Variants in HERC1 observed in about 807,000 individuals in gnomAD.
HERC1 encodes probable E3 ubiquitin-protein ligase HERC1.
In HERC1, 160 loss-of-function variants were observed where a neutral mutation model predicts 554.3. The ratio of observed to expected loss-of-function variants is 0.29; its 90% CI spans 0.25 to 0.33. The LOEUF is 0.33. Among genes scored for constraint, HERC1 ranks in the 10% least tolerant of loss-of-function variants. The pLI, the probability that HERC1 is intolerant of heterozygous loss-of-function variation, is 1.00. For missense variants in HERC1, 4,919 were observed against 5,918.5 expected, an observed-to-expected ratio of 0.83 and a Z score of 5.54; for synonymous variants, 2,175 against 2,131.7, an observed-to-expected ratio of 1.02 and a Z score of -0.56.
Position 63,734,530 on chromosome 15 carries a change from C to T in HERC1, c.2646+194G>A. 1 of 388,822 alleles carries T rather than the reference C, an allele frequency of 2.6e-6. No homozygotes were observed. The highest frequency in any genetic ancestry group is 5.7e-5 in the South Asian group (1 of 17,514). The allele number at this position is 388,822 out of a possible 1,614,324, so 24.1% of individuals were successfully genotyped here. ...ATTAGTCCTTATTTTAATAATTAGC[C>T]CCAAATAACTTAATAAATTATCACT... On this transcript the variant is annotated intron_variant, in intron 13 of 77. Coordinates refer to ENST00000443617, the MANE Select transcript of HERC1 (RefSeq NM_003922.4). This position sits in a 1 kb window ranked among gnomAD's most constrained non-coding sequence, Gnocchi z 4.6.
intron 34 of HERC1, among the ~76,000 whole-genome samples, chr15:63,684,794 G>A (rs1397312438): frequency 6.6e-6 from 1 of 152,156 alleles, no homozygotes; most frequent in African/African-American, 2.4e-5. Flanking sequence ...GATCACCTGA[G>A]GTCAGGAGTT....
At chr15:63,690,181 A>G (rs959518497) in intron 32 of HERC1, among the ~76,000 whole-genome samples, 3 of 151,728 alleles carry the variant, frequency 2.0e-5, no homozygotes, top group African/African-American at 4.8e-5. Flanking sequence ...AAAAAAAAAA[A>G]AAAAGAAATA....
chr15:63,824,968 C>T (rs2077839008), intron 1 of HERC1, among the ~76,000 whole-genome samples: 1 of 150,576 alleles, frequency 6.6e-6, no homozygotes, highest in African/African-American at 2.4e-5. Flanking sequence ...GTCAAGGGAA[C>T]AAAGTTGCAG....
chr15:63,651,199 G>C, intron 53 of HERC1, 54 bp downstream of exon 53: 1 of 1,553,174 alleles, frequency 6.4e-7, no homozygotes, highest in Non-Finnish European at 8.8e-7. Flanking sequence ...AGACTAAGAA[G>C]AAGGCTTTAA....
intron 1 of HERC1, among the ~76,000 whole-genome samples, chr15:63,819,128 T>C (rs2077597580): frequency 1.3e-5 from 2 of 152,098 alleles, no homozygotes; most frequent in Non-Finnish European, 2.9e-5. Context: ...CCATATAACA[T>C]AGAAGACCAC....
At position 63,801,951 on chromosome 15, in the gene HERC1, C is replaced by G. The variant is rs78663880; in HGVS notation, c.-26-26302G>C. ...GCATGATATACCCACTCAGATGTAC[C>G]AAAGGAATCTCTAACACATCATGTT... On this transcript the variant is annotated intron_variant, in intron 1 of 77. Coordinates refer to ENST00000443617, the MANE Select transcript of HERC1 (RefSeq NM_003922.4). 7.0e-3 allele frequency among the ~76,000 whole-genome samples: 1,072 copies of G among 152,258 alleles called. 14 individuals are homozygous for G. Among genetic ancestry groups the G allele is most frequent in the African/African-American group, 0.025 (1,031 of 41,534 alleles).
Position 63,775,269 on chromosome 15 carries a change from T to C in HERC1, c.355A>G (p.Asn119Asp), listed in dbSNP as rs992444674. Residue 119 changes from asparagine to aspartate, a missense_variant, in exon 2 of 78, where the codon AAT becomes GAT. Coordinates refer to ENST00000443617, the MANE Select transcript of HERC1 (RefSeq NM_003922.4). This position sits in a 1 kb window ranked among gnomAD's most constrained non-coding sequence, Gnocchi z 4.0. ...ACCTTGCCTTTGTCATGGTATTTATTAGAAAGTGCATAAAAGACACGCTGG... is the reference window on the plus strand; with the variant it reads ...ACCTTGCCTTTGTCATGGTATTTATCAGAAAGTGCATAAAAGACACGCTGG... ...VLQRVFYALSNKYHDKGKVKQ... is the reference protein window; with the variant it reads ...VLQRVFYALSDKYHDKGKVKQ... 3.1e-6 allele frequency: 5 copies of C among 1,614,024 alleles called. No individual in the cohort carries two copies. Among genetic ancestry groups the C allele is most frequent in the South Asian group, 2.2e-5 (2 of 91,076 alleles).
chr15:63,671,203 C>CAAAA (rs371521135), intron 39 of HERC1, among the ~76,000 whole-genome samples: 6 of 123,452 alleles, frequency 4.9e-5, no homozygotes, highest in Non-Finnish European at 6.6e-5. Context: ...AACTTTGTCT[C>CAAAA]AAAAAAAAAA....
At chr15:63,722,489 T>A (rs1388847169) in intron 19 of HERC1, among the ~76,000 whole-genome samples, 2 of 152,222 alleles carry the variant, frequency 1.3e-5, no homozygotes, top group Admixed American at 1.3e-4. Flanking sequence ...TTCAGTTACT[T>A]GCGATCAACT....
At chr15:63,757,080 T>C (rs576686795) in intron 4 of HERC1, among the ~76,000 whole-genome samples, 1 of 152,166 alleles carries the variant, frequency 6.6e-6, no homozygotes, top group Non-Finnish European at 1.5e-5. Flanking sequence ...TATAAATTCC[T>C]TAGGGTACAT....
intron 71 of HERC1, 112 bp from the exon 72 acceptor site, chr15:63,624,439 G>A: frequency 1.1e-6 from 1 of 918,952 alleles, no homozygotes; most frequent in South Asian, 1.8e-5. Flanking sequence ...GCTCATGCCT[G>A]TAGTCCCAGC....
intron 38 of HERC1, among the ~76,000 whole-genome samples, chr15:63,673,423 C>A (rs2071035819): frequency 6.6e-6 from 1 of 151,792 alleles, no homozygotes; most frequent in South Asian, 2.1e-4. Flanking sequence ...GGAATAAGTA[C>A]AAAGGAAAAG....
chr15:63,625,133 C>A (rs983669063), intron 71 of HERC1, among the ~76,000 whole-genome samples: 1 of 152,170 alleles, frequency 6.6e-6, no homozygotes, highest in Non-Finnish European at 1.5e-5. Flanking sequence ...TGCACACACA[C>A]ACACGCACGC....
chr15:63,638,723 A>C lies in HERC1; in HGVS notation c.11955T>G (p.Thr3985=). The C allele has an allele frequency of 6.2e-7, 1 of 1,612,890 alleles. No homozygotes were observed. The highest frequency in any genetic ancestry group is 8.5e-7 in the Non-Finnish European group (1 of 1,178,868). ...GMDEQIMSWA[T]SRPEDWHLGG... ...CATCTTTACTGACCTCAGGTCTGGA[A>C]GTTGCCCAAGACATAATTTGTTCAT... The change falls in exon 62 of 78, where the codon ACT becomes ACG. Residue 3985 remains threonine (T), a synonymous_variant. Transcript: ENST00000443617.
At chr15:63,755,164 C>A in intron 6 of HERC1, 65 bp downstream of exon 6, 1 of 1,108,790 alleles carries the variant, frequency 9.0e-7, no homozygotes. Flanking sequence ...GCTCTCACGG[C>A]TTCTCAGTAA....
chr15:63,625,415 G>T (rs1348888330), intron 71 of HERC1, among the ~76,000 whole-genome samples: 4 of 152,098 alleles, frequency 2.6e-5, no homozygotes, highest in Non-Finnish European at 5.9e-5. Context: ...AGAAGTGGCT[G>T]GGAGCGGTGG....
In HERC1 at chr15:63,692,578, A is replaced by T; in HGVS notation, c.5675-12T>A. The stretch of plus-strand genomic sequence containing the variant: ...TTTCCTAAGAGCAGCTACAGTGAAG[A>T]GACAAGTTTACGTTACAACCAAGAG... On this transcript the variant is annotated splice_polypyrimidine_tract_variant and intron_variant, in intron 30 of 77. Transcript: ENST00000443617. The surrounding 1 kb of genome is among the most constrained non-coding windows in gnomAD (Gnocchi z 4.7). The T allele has an allele frequency of 6.3e-7, 1 of 1,587,650 alleles. No homozygotes were observed. Among genetic ancestry groups the T allele is most frequent in the African/African-American group, 1.4e-5 (1 of 73,604 alleles).
chr15:63,661,651 G>T (rs2070365100), intron 45 of HERC1, 102 bp downstream of exon 45: 2 of 1,199,776 alleles, frequency 1.7e-6, no homozygotes, highest in South Asian at 2.8e-5. Context: ...GGATTTCAGG[G>T]AAGGTTAAAT....
At chr15:63,670,901 T>C (rs1595935136) in intron 39 of HERC1, among the ~76,000 whole-genome samples, 1 of 151,434 alleles carries the variant, frequency 6.6e-6, no homozygotes, top group Admixed American at 6.6e-5. Flanking sequence ...TACAAAAAAA[T>C]TTCAAAAAAT....
Sources: allele counts gnomAD v4.1 joint callset (sites outside exome capture counted in the v4.1 genomes callset), GRCh38; gene constraint gnomAD v4.1.1; non-coding constraint Gnocchi (gnomAD v3.1); transcripts MANE v1.5; gene names NCBI Gene and HGNC (gene_info 2026-07-23, HGNC 2026-07-21).